The following GALNT13 variants were observed in gnomAD, a reference collection of about 807,000 sequenced individuals.
GALNT13 encodes the protein polypeptide N-acetylgalactosaminyltransferase 13.
GALNT13 carries 28 observed loss-of-function variants against 64.2 expected under a neutral mutation model. The ratio of observed to expected loss-of-function variants is 0.44; its 90% CI spans 0.32 to 0.60. The LOEUF (loss-of-function observed/expected upper bound fraction) is 0.60, where lower values mean the gene tolerates loss of function less well. Among genes scored for constraint, GALNT13 ranks in the 20% least tolerant of loss-of-function variants. The pLI is 0.05. For synonymous variants in GALNT13, 214 were observed against 224.6 expected (o/e 0.95, Z 0.42); for missense variants, 577 against 669.8 (o/e 0.86, Z 1.53).
At chr2:154,199,532 A>AT (rs1214698599) in intron 4 of GALNT13, among the ~76,000 whole-genome samples, 1 of 151,966 alleles carries the variant, frequency 6.6e-6, no homozygotes, top group Non-Finnish European at 1.5e-5. Context: ...GGTTGTGTTA[A>AT]TTTTTTATGT....
chr2:154,337,581 A>G (rs1265749040), intron 9 of GALNT13, among the ~76,000 whole-genome samples: 1 of 152,052 alleles, frequency 6.6e-6, no homozygotes, highest in Non-Finnish European at 1.5e-5. Flanking sequence ...AGTGCTTAGC[A>G]TTTCAGCTTT....
chr2:153,325,073 T>A, the GALNT13 span, among the ~76,000 whole-genome samples: 1 of 151,446 alleles, frequency 6.6e-6, no homozygotes, highest in African/African-American at 2.4e-5. Context: ...CTCCTCTTAG[T>A]ACCTCTGGCA....
the GALNT13 span, among the ~76,000 whole-genome samples, chr2:153,312,505 G>T: frequency 2.6e-5 from 4 of 152,106 alleles, no homozygotes; most frequent in African/African-American, 9.7e-5. Context: ...ATGTTCAGGG[G>T]CTGTTTGATT....
chr2:153,130,759 G>A, the GALNT13 span, among the ~76,000 whole-genome samples: 5 of 152,232 alleles, frequency 3.3e-5, no homozygotes, highest in South Asian at 8.3e-4. Flanking sequence ...ATCTTGATTA[G>A]CCTCTTGTAA....
chr2:153,970,508 C>A (rs139346057), intron 3 of GALNT13, among the ~76,000 whole-genome samples: 1 of 152,228 alleles, frequency 6.6e-6, no homozygotes, highest in Admixed American at 6.5e-5. Context: ...GTACTTATTC[C>A]TTTAGTGATC....
chr2:154,252,724 A>AAGATGAT (rs1690141084), intron 7 of GALNT13, among the ~76,000 whole-genome samples: 1 of 146,732 alleles, frequency 6.8e-6, no homozygotes, highest in African/African-American at 2.5e-5. Flanking sequence ...CGAATGGAAA[A>AAGATGAT]AGATAGATAG....
chr2:153,309,640 A>T, the GALNT13 span, among the ~76,000 whole-genome samples: 5 of 152,076 alleles, frequency 3.3e-5, no homozygotes, highest in African/African-American at 1.2e-4. Context: ...ATCAGAGTTC[A>T]TAAGTTTCAT....
the GALNT13 span, among the ~76,000 whole-genome samples, chr2:153,179,263 G>A: frequency 6.6e-6 from 1 of 152,008 alleles, no homozygotes; most frequent in Non-Finnish European, 1.5e-5. Flanking sequence ...TATCCATATT[G>A]TTTACTCAAC....
At chr2:154,325,388 G>A (rs755307435) in intron 9 of GALNT13, among the ~76,000 whole-genome samples, 7 of 152,042 alleles carry the variant, frequency 4.6e-5, no homozygotes, top group African/African-American at 1.4e-4. Context: ...GAACTAGATC[G>A]GGTTCCTCCA....
At chr2:153,799,474 A>C in the GALNT13 span, among the ~76,000 whole-genome samples, 1 of 152,150 alleles carries the variant, frequency 6.6e-6, no homozygotes, top group East Asian at 1.9e-4. Flanking sequence ...AATGCAAAGG[A>C]ATCGGACAAA....
the GALNT13 span, among the ~76,000 whole-genome samples, chr2:153,634,953 G>A: frequency 6.6e-6 from 1 of 151,940 alleles, no homozygotes; most frequent in Admixed American, 6.6e-5. Context: ...TGGGAGGCAG[G>A]CATCTTGATC....
At chr2:153,523,026 C>A in the GALNT13 span, among the ~76,000 whole-genome samples, 1 of 141,434 alleles carries the variant, frequency 7.1e-6, no homozygotes, top group Non-Finnish European at 1.5e-5. Context: ...GTGAAGGATG[C>A]AAGGTCTGTG....
chr2:153,350,425 G>A, the GALNT13 span, among the ~76,000 whole-genome samples: 2 of 136,364 alleles, frequency 1.5e-5, no homozygotes, highest in Non-Finnish European at 3.0e-5. Context: ...TTCTGTTGCC[G>A]AGGCTGGAGT....
intron 4 of GALNT13, among the ~76,000 whole-genome samples, chr2:154,231,330 T>G (rs1688902200): frequency 6.6e-6 from 1 of 152,096 alleles, no homozygotes; most frequent in African/African-American, 2.4e-5. Flanking sequence ...GTGTTTACTT[T>G]CTTAAATAAC....
At chr2:153,553,872 T>C in the GALNT13 span, among the ~76,000 whole-genome samples, 2 of 152,100 alleles carry the variant, frequency 1.3e-5, no homozygotes, top group African/African-American at 4.8e-5. Context: ...ACAGGGGCTC[T>C]GCGGAGGATG....
intron 8 of GALNT13, among the ~76,000 whole-genome samples, chr2:154,296,780 T>G (rs1443210413): frequency 1.3e-5 from 2 of 152,166 alleles, no homozygotes; most frequent in African/African-American, 2.4e-5. Context: ...TTCTTTTTTT[T>G]TGTTATTATA....
At chr2:153,424,533 A>T in the GALNT13 span, among the ~76,000 whole-genome samples, 1 of 151,904 alleles carries the variant, frequency 6.6e-6, no homozygotes, top group Non-Finnish European at 1.5e-5. Context: ...AGAATGTTAT[A>T]TTCCATTAAG....
At chr2:153,873,257 C>T (rs1293123490) in intron 1 of GALNT13, among the ~76,000 whole-genome samples, 1 of 152,130 alleles carries the variant, frequency 6.6e-6, no homozygotes, top group Non-Finnish European at 1.5e-5. Flanking sequence ...TGTCGTGGAC[C>T]TGAAGGAGGG....
the GALNT13 span, among the ~76,000 whole-genome samples, chr2:153,690,771 A>C: frequency 6.6e-6 from 1 of 152,142 alleles, no homozygotes; most frequent in Non-Finnish European, 1.5e-5. Flanking sequence ...ATTCCCCTAA[A>C]AAAGGAACCC....
Sources: allele counts gnomAD v4.1 joint callset (sites outside exome capture counted in the v4.1 genomes callset), GRCh38; gene constraint gnomAD v4.1.1; transcripts MANE v1.5; gene names NCBI Gene and HGNC (gene_info 2026-07-23, HGNC 2026-07-21).